The following WWOX variants were observed in gnomAD, a reference collection of about 807,000 sequenced individuals.
WWOX encodes WW domain-containing oxidoreductase.
In WWOX, 69 loss-of-function variants were observed where a neutral mutation model predicts 46.2. That is an observed-to-expected ratio of 1.49 (90% CI 1.23 to 1.82). The LOEUF (loss-of-function observed/expected upper bound fraction) is 1.82. WWOX is among the 40% of genes most tolerant of loss of function. WWOX has a pLI of 0.00. For synonymous variants in WWOX, 359 were observed against 202.6 expected (o/e 1.77, Z -6.56); for missense variants, 919 against 542.6 (o/e 1.69, Z -6.89).
intron 8 of WWOX, among the ~76,000 whole-genome samples, chr16:79,024,915 G>A (rs924357804): frequency 6.6e-6 from 1 of 152,218 alleles, no homozygotes; most frequent in African/African-American, 2.4e-5. Context: ...GGCTGGTGAA[G>A]AAACACGTGA....
At chr16:78,998,476 C>G (rs561001671) in intron 8 of WWOX, among the ~76,000 whole-genome samples, 34 of 152,134 alleles carry the variant, frequency 2.2e-4, no homozygotes, top group African/African-American at 5.1e-4. Flanking sequence ...CACTGAGGGA[C>G]TAAGAGAAAT....
rs530324337 is a variant in WWOX, at chr16:78,115,193, A to C, written c.409+39A>C. On this transcript the variant is annotated intron_variant, in intron 4 of 8. Transcript: ENST00000566780. ...TTAGTTATTTATCTTTGGGACTGCT[A>C]TAATGAGATCCACTTAGATCTAGCT... is the stretch of plus-strand genomic sequence containing the variant. 8.7e-6 allele frequency: 14 copies of C among 1,611,464 alleles called. No individual in the cohort carries two copies. In the African/African-American group the frequency reaches 1.3e-4, roughly 15 times the overall value.
chr16:78,696,363 C>A (rs1382359985), intron 8 of WWOX, among the ~76,000 whole-genome samples: 1 of 152,188 alleles, frequency 6.6e-6, no homozygotes, highest in Non-Finnish European at 1.5e-5. Context: ...ACTTCAGACT[C>A]TATAGACAGT....
intron 5 of WWOX, among the ~76,000 whole-genome samples, chr16:78,259,740 G>A (rs994157745): frequency 6.6e-6 from 1 of 151,274 alleles, no homozygotes; most frequent in African/African-American, 2.4e-5. Context: ...ATAGTTCTGA[G>A]ATATAATTTG....
chr16:79,153,056 G>A (rs2050312350), intron 8 of WWOX, among the ~76,000 whole-genome samples: 2 of 152,164 alleles, frequency 1.3e-5, no homozygotes, highest in African/African-American at 4.8e-5. Flanking sequence ...AGCGAGCGGA[G>A]GCCTGGTTTC....
chr16:78,990,448 G>A (rs1231085072), intron 8 of WWOX, among the ~76,000 whole-genome samples: 1 of 152,080 alleles, frequency 6.6e-6, no homozygotes, highest in East Asian at 1.9e-4. Context: ...GATTTCCAGA[G>A]TCCGGAGCTA....
At chr16:78,143,571 CA>C (rs1469799442) in intron 4 of WWOX, among the ~76,000 whole-genome samples, 1 of 152,118 alleles carries the variant, frequency 6.6e-6, no homozygotes, top group Non-Finnish European at 1.5e-5. Flanking sequence ...CTATGGCCAG[CA>C]AAGCCCAAGA....
intron 8 of WWOX, among the ~76,000 whole-genome samples, chr16:79,202,215 G>A (rs746145065): frequency 6.6e-6 from 1 of 152,182 alleles, no homozygotes; most frequent in Non-Finnish European, 1.5e-5. Flanking sequence ...CTTTGCAGAA[G>A]TAGTTTACTG....
intron 8 of WWOX, among the ~76,000 whole-genome samples, chr16:78,839,487 G>A (rs182461469): frequency 6.6e-6 from 1 of 152,188 alleles, no homozygotes; most frequent in African/African-American, 2.4e-5. Context: ...CAGAATGGAT[G>A]CATTTTATGT....
Position 78,600,995 on chromosome 16 carries a change from C to A in WWOX, c.1056+168243C>A, listed in dbSNP as rs192039538. Among the ~76,000 whole-genome samples, 6 of 152,272 alleles carry A rather than the reference C, an allele frequency of 3.9e-5. No homozygotes were observed. The East Asian group carries it at 1.2e-3, about 29-fold the overall frequency. On this transcript the variant is annotated intron_variant, in intron 8 of 8. Coordinates refer to ENST00000566780, the MANE Select transcript of WWOX (RefSeq NM_016373.4). ...ACTAGAGCTTCTGCCATCCCTCTGT[C>A]ACTATTTAAAGCATTGCCTGCACCC... is the stretch of plus-strand genomic sequence containing the variant.
intron 5 of WWOX, among the ~76,000 whole-genome samples, chr16:78,234,094 G>C (rs1441610035): frequency 6.8e-6 from 1 of 148,084 alleles, no homozygotes; most frequent in Non-Finnish European, 1.5e-5. Context: ...TTTTAGTCCA[G>C]AACACGGTGG....
intron 8 of WWOX, among the ~76,000 whole-genome samples, chr16:78,960,903 A>G (rs183456325): frequency 3.3e-5 from 5 of 152,362 alleles, no homozygotes. Context: ...AAAAGTAAAG[A>G]AGTTCAGAAC....
At chr16:78,934,273 T>G (rs540642575) in intron 8 of WWOX, among the ~76,000 whole-genome samples, 2 of 143,282 alleles carry the variant, frequency 1.4e-5, no homozygotes, top group Non-Finnish European at 1.5e-5. Flanking sequence ...AGGAGGCGGA[T>G]CTTGCAGTGA....
At chr16:78,624,404 C>T (rs112475364) in intron 8 of WWOX, among the ~76,000 whole-genome samples, 4 of 152,092 alleles carry the variant, frequency 2.6e-5, no homozygotes, top group Admixed American at 6.6e-5. Flanking sequence ...AAGATTTGGA[C>T]GGTTTGCTTT....
chr16:79,166,196 A>C (rs557682746), intron 8 of WWOX, among the ~76,000 whole-genome samples: 3 of 152,268 alleles, frequency 2.0e-5, no homozygotes, highest in African/African-American at 7.2e-5. Context: ...ATTATAAAGA[A>C]ATTGACTTCA....
intron 5 of WWOX, among the ~76,000 whole-genome samples, chr16:78,302,314 C>T (rs766552846): frequency 1.3e-5 from 2 of 152,076 alleles, no homozygotes; most frequent in Non-Finnish European, 1.5e-5. Context: ...TGAAATTTGA[C>T]AGGTAAATAT....
chr16:78,550,198 T>A (rs542419110), intron 8 of WWOX, among the ~76,000 whole-genome samples: 1 of 152,364 alleles, frequency 6.6e-6, no homozygotes, highest in Non-Finnish European at 1.5e-5. Flanking sequence ...TCTCACTGGA[T>A]CATTCCATTT....
At chr16:79,109,283 G>C (rs1428010379) in intron 8 of WWOX, among the ~76,000 whole-genome samples, 2 of 152,154 alleles carry the variant, frequency 1.3e-5, no homozygotes, top group Non-Finnish European at 2.9e-5. Context: ...AGTTGACACA[G>C]ATCCTTGTCT....
chr16:78,633,040 A>G (rs2046475135), intron 8 of WWOX, among the ~76,000 whole-genome samples: 1 of 152,058 alleles, frequency 6.6e-6, no homozygotes, highest in African/African-American at 2.4e-5. Flanking sequence ...AGGTGGGTGG[A>G]TCACTTGAGG....
Sources: allele counts gnomAD v4.1 joint callset (sites outside exome capture counted in the v4.1 genomes callset), GRCh38; gene constraint gnomAD v4.1.1; transcripts MANE v1.5; gene names NCBI Gene and HGNC (gene_info 2026-07-23, HGNC 2026-07-21).